The following LRP2 variants were observed in gnomAD, a reference collection of about 807,000 sequenced individuals.
The protein encoded by LRP2 is low-density lipoprotein receptor-related protein 2.
LRP2 carries 172 observed loss-of-function variants against 531.0 expected under a neutral mutation model. The ratio of observed to expected loss-of-function variants is 0.32; its 90% CI spans 0.29 to 0.37. LRP2 has a LOEUF of 0.37. Ranked by LOEUF, LRP2 falls within the 10% of genes least tolerant of loss-of-function variation. The pLI is 1.00. For missense variants in LRP2, 5,167 were observed against 5,868.3 expected, an observed-to-expected ratio of 0.88 and a Z score of 3.90; for synonymous variants, 1,992 against 2,027.6, an observed-to-expected ratio of 0.98 and a Z score of 0.47.
intron 44 of LRP2, among the ~76,000 whole-genome samples, chr2:169,200,729 A>T (rs1039158594): frequency 1.3e-5 from 2 of 152,244 alleles, no homozygotes; most frequent in Non-Finnish European, 1.5e-5. Flanking sequence ...AAAGCTGGTA[A>T]GGGAAATGTC....
At position 169,162,292 on chromosome 2, in the gene LRP2, T is replaced by C. The variant is rs534367950; in HGVS notation, c.11887+180A>G. Among the ~76,000 whole-genome samples, 3 of 152,338 alleles carry C rather than the reference T, an allele frequency of 2.0e-5. No homozygotes were observed. The South Asian group carries it at 6.2e-4, about 32-fold the overall frequency. On this transcript the variant is annotated intron_variant, in intron 63 of 78. Coordinates refer to ENST00000649046, the MANE Select transcript of LRP2 (RefSeq NM_004525.3). ...ATTGCTACCAGGCATGTAGAATGTT[T>C]GACACAATGTCTGGTCTAGGATAAG...
In LRP2 at chr2:169,226,306, A is replaced by G. The variant is rs1250335366; in HGVS notation, c.5394+116T>C. On this transcript the variant is annotated intron_variant, in intron 32 of 78. Coordinates refer to ENST00000649046, the MANE Select transcript of LRP2 (RefSeq NM_004525.3). ...AATCAAAAAACTTAGGGATAAATTT[A>G]TTTCCACATTGTTTCCCTTTTACTC... 4 of 830,446 alleles carry G rather than the reference A, an allele frequency of 4.8e-6. No homozygotes were observed. In the African/African-American group the frequency reaches 5.1e-5, roughly 11 times the overall value. The allele number at this position is 830,446 out of a possible 1,614,324, so 51.4% of individuals were successfully genotyped here.
At chr2:169,246,419 C>A (rs762657246) in intron 21 of LRP2, among the ~76,000 whole-genome samples, 3 of 152,030 alleles carry the variant, frequency 2.0e-5, no homozygotes, top group Non-Finnish European at 4.4e-5. Flanking sequence ...TTCGATTTGA[C>A]TTTTTGAGGA....
Position 169,206,329 on chromosome 2 carries a change from C to T in LRP2, c.7390+1G>A, listed in dbSNP as rs868173439. 6.2e-7 allele frequency: 1 copy of T among 1,613,854 alleles called. No homozygotes were observed. Among genetic ancestry groups the T allele is most frequent in the Non-Finnish European group, 8.5e-7 (1 of 1,179,982 alleles). ...ACAAGCAGCACCTGGAGTGCACTTA[C>T]CTGAAGCAATGACAGTTGGAGTATG... On this transcript the variant is annotated splice_donor_variant, in intron 39 of 78. Coordinates refer to ENST00000649046, the MANE Select transcript of LRP2 (RefSeq NM_004525.3). LOFTEE classifies it high-confidence loss of function.
intron 1 of LRP2, among the ~76,000 whole-genome samples, chr2:169,345,902 A>G (rs929530877): frequency 6.6e-6 from 1 of 152,226 alleles, no homozygotes; most frequent in African/African-American, 2.4e-5. Flanking sequence ...ATTGTCTTTG[A>G]TCCACCAATG....
intron 1 of LRP2, among the ~76,000 whole-genome samples, chr2:169,339,958 G>A (rs1377318393): frequency 1.3e-5 from 2 of 152,060 alleles, no homozygotes; most frequent in South Asian, 4.1e-4. Context: ...ACAAACTTAT[G>A]GATACATCTA....
In LRP2 at chr2:169,240,976, C is replaced by T; in HGVS notation, c.4045+12G>A. On this transcript the variant is annotated intron_variant, in intron 25 of 78. Coordinates refer to ENST00000649046, the MANE Select transcript of LRP2 (RefSeq NM_004525.3). Reference sequence around the variant, plus strand: ...GAGTTTATGGCCAGTAAACTGTGGTCAGGAAACTTACTGCAAAGTGGGGAC... The same window carrying T: ...GAGTTTATGGCCAGTAAACTGTGGTTAGGAAACTTACTGCAAAGTGGGGAC... The T allele has an allele frequency of 6.2e-7, 1 of 1,610,324 alleles. No individual in the cohort carries two copies. The highest frequency in any genetic ancestry group is 1.6e-4 in the Middle Eastern group (1 of 6,062).
chr2:169,274,258 A>G (rs1290694813), intron 14 of LRP2, among the ~76,000 whole-genome samples: 1 of 152,134 alleles, frequency 6.6e-6, no homozygotes, highest in South Asian at 2.1e-4. Context: ...TAGACTTATC[A>G]AAGCTCAAGC....
chr2:169,257,058 A>T (rs1043640617), intron 18 of LRP2, 66 bp downstream of exon 18: 211 of 1,595,950 alleles, frequency 1.3e-4, no homozygotes, highest in Non-Finnish European at 1.7e-4. Flanking sequence ...ATATCACCCA[A>T]CCTGCCTCAT....
chr2:169,308,499 T>C (rs907223933), intron 3 of LRP2, among the ~76,000 whole-genome samples: 13 of 152,332 alleles, frequency 8.5e-5, no homozygotes, highest in African/African-American at 2.9e-4. Flanking sequence ...TGCGATAGTT[T>C]GCTCAGAATG....
At chr2:169,202,472 A>C (rs1235854431) in intron 43 of LRP2, among the ~76,000 whole-genome samples, 2 of 152,296 alleles carry the variant, frequency 1.3e-5, no homozygotes, top group South Asian at 4.1e-4. Context: ...TAGTAGCTCC[A>C]TTTTACAGAT....
chr2:169,318,636 T>C, intron 3 of LRP2, 126 bp downstream of exon 3: 1 of 1,303,516 alleles, frequency 7.7e-7, no homozygotes, highest in Non-Finnish European at 1.1e-6. Flanking sequence ...TGGCATAGGT[T>C]CCCTTATGAT....
chr2:169,335,891 T>C (rs1685389437), intron 1 of LRP2, among the ~76,000 whole-genome samples: 1 of 151,942 alleles, frequency 6.6e-6, no homozygotes, highest in African/African-American at 2.4e-5. Flanking sequence ...GGCATGCACC[T>C]GTAGTCCCAG....
At chr2:169,346,176 A>G (rs918366958) in intron 1 of LRP2, among the ~76,000 whole-genome samples, 9 of 152,238 alleles carry the variant, frequency 5.9e-5, no homozygotes, top group Non-Finnish European at 1.2e-4. Context: ...GAAAGTGTTC[A>G]ATACAATATG....
chr2:169,167,908 C>G (rs1480943704), intron 61 of LRP2, among the ~76,000 whole-genome samples: 1 of 150,660 alleles, frequency 6.6e-6, no homozygotes, highest in Admixed American at 6.6e-5. Flanking sequence ...AGATTCTGCT[C>G]CATCAGGTCT....
At chr2:169,166,097 G>A in intron 61 of LRP2, 43 bp from the exon 62 acceptor site, 1 of 1,605,808 alleles carries the variant, frequency 6.2e-7, no homozygotes, top group Non-Finnish European at 8.5e-7. Flanking sequence ...GTTAACAGTA[G>A]AATCTAAGTG....
rs200018382 is a variant in LRP2 at position 169,226,074 on chromosome 2, G to C, written c.5394+348C>G. ...TTTCTACTAGCTTAAGACTCCTCTA[G>C]GGGCAAGCATTGTGACTGCTGCTTC... On this transcript the variant is annotated intron_variant, in intron 32 of 78. Coordinates refer to ENST00000649046, the MANE Select transcript of LRP2 (RefSeq NM_004525.3). 1.4e-4 allele frequency among the ~76,000 whole-genome samples: 21 copies of C among 152,278 alleles called. No individual in the cohort carries two copies. In the East Asian group the frequency reaches 4.0e-3, roughly 29 times the overall value.
intron 31 of LRP2, among the ~76,000 whole-genome samples, 197 bp downstream of exon 31, chr2:169,231,517 A>G (rs1028129940): frequency 1.3e-5 from 2 of 152,180 alleles, no homozygotes; most frequent in Admixed American, 1.3e-4. Flanking sequence ...AGATAACATT[A>G]GTTCCATATA....
rs1355755318 is a variant in LRP2, at chr2:169,243,413, C to A, written c.3540G>T (p.Glu1180Asp). Residue 1180 changes from glutamate (E) to aspartate (D), a missense_variant, in exon 23 of 79, where the codon GAG becomes GAT. Physicochemically the swap from Glu to Asp is conservative, Grantham distance 45 (BLOSUM62 2). This residue lies in a region of LRP2 where 2,811 missense variants were observed against 3,058.0 expected (regional missense o/e 0.92). Coordinates refer to ENST00000649046, the MANE Select transcript of LRP2 (RefSeq NM_004525.3). Reference protein sequence around the residue: ...GDKDCVDGSDEVGCVLNCTAS... With the variant: ...GDKDCVDGSDDVGCVLNCTAS... The stretch of plus-strand genomic sequence containing the variant: ...AGGCAATGCACTTACCACAACCAAC[C>A]TCATCAGATCCATCAACACAATCCT... 11 of 1,614,112 alleles carry A rather than the reference C, an allele frequency of 6.8e-6. No homozygotes were observed. Among genetic ancestry groups the A allele is most frequent in the Non-Finnish European group, 9.3e-6 (11 of 1,179,982 alleles).
Sources: allele counts gnomAD v4.1 joint callset (sites outside exome capture counted in the v4.1 genomes callset), GRCh38; gene constraint gnomAD v4.1.1; regional missense constraint gnomAD v4.1.1; transcripts MANE v1.5; gene names NCBI Gene and HGNC (gene_info 2026-07-23, HGNC 2026-07-21).